The following PTH2R variants were observed in gnomAD, a reference collection of about 807,000 sequenced individuals.
PTH2R encodes the protein PTH2 receptor.
PTH2R carries 59 observed loss-of-function variants against 60.3 expected under a neutral mutation model. The ratio of observed to expected loss-of-function variants is 0.98; its 90% CI spans 0.79 to 1.22. The LOEUF is 1.22. PTH2R is among the 50% of genes most tolerant of loss of function. The pLI is 0.00. For synonymous variants in PTH2R, 256 were observed against 243.8 expected (o/e 1.05, Z -0.47); for missense variants, 749 against 682.6 (o/e 1.10, Z -1.08).
chr2:208,372,985 C>G (rs1336711926), intron 1 of PTH2R, among the ~76,000 whole-genome samples: 1 of 151,998 alleles, frequency 6.6e-6, no homozygotes, highest in Non-Finnish European at 1.5e-5. Context: ...ACTTGGGAGG[C>G]CGAGGTGGGA....
At chr2:208,470,566 C>T (rs1050165593) in intron 9 of PTH2R, among the ~76,000 whole-genome samples, 7 of 151,822 alleles carry the variant, frequency 4.6e-5, no homozygotes, top group East Asian at 1.9e-4. Context: ...TCTTATCTGC[C>T]GCCATGTGAG....
intron 1 of PTH2R, among the ~76,000 whole-genome samples, chr2:208,382,524 TAGGTAATACATGGA>T (rs1168722323): frequency 6.6e-6 from 1 of 152,156 alleles, no homozygotes; most frequent in Admixed American, 6.5e-5. Context: ...AGGAATTGCC[TAGGTAATACATGGA>T]AGGTGTGGAG....
chr2:208,404,360 A>G (rs1312943248), upstream of PTH2R, among the ~76,000 whole-genome samples: 1 of 152,160 alleles, frequency 6.6e-6, no homozygotes, highest in Middle Eastern at 3.2e-3. Context: ...TGAATTTAAC[A>G]ATTTTCTTTA....
rs1182343281 is a variant in PTH2R at position 208,493,533 on chromosome 2, C to T, written c.1527C>T (p.Phe509=). 6.2e-7 allele frequency: 1 copy of T among 1,613,878 alleles called. No homozygotes were observed. The highest frequency in any genetic ancestry group is 1.3e-5 in the African/African-American group (1 of 74,932). ...AGCAGGACTGCCTGCCACACTCTTT[C>T]CACGAGGAGACCAAGGAAGATAGTG... ...NSEQDCLPHS[F]HEETKEDSGR... The change falls in exon 13 of 13, where the codon TTC becomes TTT. Residue 509 remains phenylalanine, a synonymous_variant. Transcript: ENST00000272847.
intron 1 of PTH2R, among the ~76,000 whole-genome samples, chr2:208,408,740 A>AGAGAG (rs1553542827): frequency 5.4e-4 from 67 of 123,350 alleles, no homozygotes; most frequent in African/African-American, 2.0e-3. Context: ...GAGAGAGAGA[A>AGAGAG]AGAGAGAGAG....
intron 1 of PTH2R, among the ~76,000 whole-genome samples, chr2:208,422,722 CGA>C (rs2105848502): frequency 6.6e-6 from 1 of 152,052 alleles, no homozygotes; most frequent in South Asian, 2.1e-4. Context: ...GAAGAACTAA[CGA>C]GAGTGAACAT....
intron 8 of PTH2R, among the ~76,000 whole-genome samples, chr2:208,457,856 A>G (rs1332791907): frequency 6.6e-6 from 1 of 152,206 alleles, no homozygotes; most frequent in Non-Finnish European, 1.5e-5. Context: ...CCCTTAAGGA[A>G]AAGTCAAAAT....
intron 1 of PTH2R, among the ~76,000 whole-genome samples, chr2:208,380,328 T>C (rs1700888367): frequency 6.6e-6 from 1 of 152,134 alleles, no homozygotes; most frequent in Admixed American, 6.5e-5. Flanking sequence ...ATTATGATGG[T>C]ATCTGAATTA....
At chr2:208,392,265 T>G (rs73983771) in intron 1 of PTH2R, among the ~76,000 whole-genome samples, 2,837 of 152,274 alleles carry the variant, frequency 0.019, 76 homozygotes, top group African/African-American at 0.065. Flanking sequence ...CATTCCCCAT[T>G]GGGTTTCTGC....
chr2:208,426,018 A>G (rs1403206176), intron 1 of PTH2R, among the ~76,000 whole-genome samples: 2 of 152,112 alleles, frequency 1.3e-5, no homozygotes, highest in African/African-American at 4.8e-5. Context: ...AAGCACATCA[A>G]CTCCATCATG....
upstream of PTH2R, among the ~76,000 whole-genome samples, chr2:208,404,049 A>G (rs1037902123): frequency 2.2e-4 from 33 of 152,186 alleles, no homozygotes; most frequent in African/African-American, 7.5e-4. Flanking sequence ...TCACCTCTCA[A>G]TGAAAAGTGT....
intron 4 of PTH2R, among the ~76,000 whole-genome samples, chr2:208,439,977 A>G (rs538948341): frequency 2.6e-5 from 4 of 152,372 alleles, no homozygotes; most frequent in African/African-American, 9.6e-5. Flanking sequence ...TCTAATGAAG[A>G]ACTGGTTAAA....
chr2:208,438,509 A>T (rs1246562051), intron 4 of PTH2R, among the ~76,000 whole-genome samples: 2 of 152,204 alleles, frequency 1.3e-5, no homozygotes. Context: ...TCCCAATTTC[A>T]CATCAGTGCT....
intron 1 of PTH2R, chr2:208,360,923 C>T (rs1049430368): frequency 5.1e-5 from 11 of 216,680 alleles, no homozygotes; most frequent in African/African-American, 2.3e-4. Flanking sequence ...CCATGCTTGA[C>T]GTCGCAGGGG....
chr2:208,399,333 C>T (rs756649091), intron 1 of PTH2R, among the ~76,000 whole-genome samples: 1 of 152,150 alleles, frequency 6.6e-6, no homozygotes, highest in African/African-American at 2.4e-5. Context: ...GTCCTCAGGA[C>T]TGGCCCTTGG....
At chr2:208,397,754 C>T (rs946327737) in intron 1 of PTH2R, among the ~76,000 whole-genome samples, 3 of 151,938 alleles carry the variant, frequency 2.0e-5, no homozygotes, top group Non-Finnish European at 4.4e-5. Flanking sequence ...TTTTAATATG[C>T]AAATGAAGGG....
At chr2:208,489,539 G>A (rs908871847) in intron 11 of PTH2R, among the ~76,000 whole-genome samples, 1 of 152,138 alleles carries the variant, frequency 6.6e-6, no homozygotes, top group African/African-American at 2.4e-5. Flanking sequence ...ACAAAACTGA[G>A]GAAGAGGTTG....
intron 9 of PTH2R, among the ~76,000 whole-genome samples, chr2:208,477,979 G>GTA (rs1162623446): frequency 0.013 from 551 of 42,014 alleles, 4 homozygotes; most frequent in African/African-American, 0.025. Flanking sequence ...AGTACTACTA[G>GTA]CACTACTACT....
rs528261431 is a variant in PTH2R at position 208,379,021 on chromosome 2, G to T, written c.-259+18784G>T. ...AACTGAAGACACAGTGTTAACTGAA[G>T]ACACAGTTGAAAACTAAAGATAGCT... is the stretch of plus-strand genomic sequence containing the variant. On this transcript the variant is annotated intron_variant, in intron 1 of 12. Coordinates refer to the PTH2R transcript ENST00000617735. 2.0e-5 allele frequency among the ~76,000 whole-genome samples: 3 copies of T among 152,014 alleles called. No individual in the cohort carries two copies. In the East Asian group the frequency reaches 5.8e-4, roughly 29 times the overall value.
Sources: gnomAD v4.1 joint callset for allele counts (sites outside exome capture counted in the v4.1 genomes callset) on GRCh38, gnomAD v4.1.1 for gene constraint, MANE v1.5 for transcripts, NCBI Gene and HGNC (gene_info 2026-07-23, HGNC 2026-07-21) for gene names.